Variants in USP10 observed in about 807,000 individuals in gnomAD.
The protein encoded by USP10 is ubiquitin carboxyl-terminal hydrolase 10.
USP10 carries 22 observed loss-of-function variants against 84.5 expected under a neutral mutation model. That is an observed-to-expected ratio of 0.26 (90% CI 0.19 to 0.37). USP10 has a LOEUF of 0.37. Ranked by LOEUF, USP10 falls within the 10% of genes least tolerant of loss-of-function variation. USP10 has a pLI of 1.00. For synonymous variants in USP10, 454 were observed against 387.6 expected (o/e 1.17, Z -2.01); for missense variants, 1,019 against 998.9 (o/e 1.02, Z -0.27).
chr16:84,730,120 G>T (rs559396171), intron 1 of USP10, among the ~76,000 whole-genome samples: 3 of 152,148 alleles, frequency 2.0e-5, no homozygotes, highest in Non-Finnish European at 4.4e-5. Flanking sequence ...CTCCACTCCT[G>T]TCTGCGTCCA....
chr16:84,764,153 A>G lies in USP10; in HGVS notation c.1722A>G (p.Glu574=), dbSNP rs373519913. 4.3e-5 allele frequency: 70 copies of G among 1,613,876 alleles called. No individual in the cohort carries two copies. In the African/African-American group the frequency reaches 7.9e-4, roughly 18 times the overall value. ...AAGAAGAGCAGGAAGAACAAGGTGA[A>G]GGAAGCGAGGATGAATGGGAACAAG... ...VNEEEQEEQG[E]GSEDEWEQVG... Residue 574 remains glutamate (E), a synonymous_variant, in exon 10 of 14, where the codon GAA becomes GAG. Coordinates refer to ENST00000219473, the MANE Select transcript of USP10 (RefSeq NM_005153.3).
chr16:84,720,648 C>G (rs926328800), intron 1 of USP10, among the ~76,000 whole-genome samples: 2 of 128,668 alleles, frequency 1.6e-5, no homozygotes, highest in African/African-American at 6.0e-5. Context: ...GTGGTGCGAT[C>G]TTGCCTTACT....
rs193163493 is a variant in USP10, at chr16:84,739,432, C to T, written c.91-877C>T. On this transcript the variant is annotated intron_variant, in intron 2 of 13. Transcript: ENST00000219473. ...GATTACAGGTGCCTGCCACCACGCC[C>T]AGCTGATTTTTTGTATTTTTAGTAG... 5.5e-4 allele frequency among the ~76,000 whole-genome samples: 84 copies of T among 152,158 alleles called. 1 individual carries two copies. In the East Asian group the frequency reaches 0.015, roughly 27 times the overall value.
At chr16:84,704,795 C>G in intron 1 of USP10, 1 of 1,535,574 alleles carries the variant, frequency 6.5e-7, no homozygotes, top group Non-Finnish European at 8.7e-7. Context: ...GAAGCTCTAC[C>G]AGCACTGCCA....
chr16:84,775,868 C>G (rs563886759), intron 13 of USP10, among the ~76,000 whole-genome samples: 1 of 142,436 alleles, frequency 7.0e-6, no homozygotes, highest in East Asian at 2.1e-4. Context: ...TTTTATCCTT[C>G]TTTCTCTTTT....
rs774153866 is a variant in USP10, at chr16:84,744,909, G to C, written c.428G>C (p.Gly143Ala). 2 of 1,613,748 alleles carry C rather than the reference G, an allele frequency of 1.2e-6. No individual in the cohort carries two copies. The highest frequency in any genetic ancestry group is 1.7e-6 in the Non-Finnish European group (2 of 1,179,716). Reference sequence around the variant, plus strand: ...TTGGAAAATGATGGTGTCTCAGGTGGTCTTGGACAAAGGGAGCGTAAAAAG... The same window carrying C: ...TTGGAAAATGATGGTGTCTCAGGTGCTCTTGGACAAAGGGAGCGTAAAAAG... The part of the protein sequence containing the change: ...EVLENDGVSG[G>A]LGQRERKKKK... The change falls in exon 4 of 14, where the codon GGT becomes GCT. Residue 143 changes from glycine to alanine, a missense_variant. Physicochemically the swap from Gly to Ala is moderately conservative, Grantham distance 60. Transcript: ENST00000219473.
intron 4 of USP10, among the ~76,000 whole-genome samples, chr16:84,751,171 T>C (rs1407604902): frequency 6.6e-6 from 1 of 152,216 alleles, no homozygotes; most frequent in East Asian, 1.9e-4. Context: ...CACAACATGC[T>C]GTACGGGTTT....
chr16:84,715,897 C>T lies in USP10; in HGVS notation c.21+15786C>T, dbSNP rs925079683. Among the ~76,000 whole-genome samples the T allele has an allele frequency of 2.6e-5, 4 of 152,194 alleles. No individual in the cohort carries two copies. The South Asian group carries it at 6.2e-4, about 24-fold the overall frequency. On this transcript the variant is annotated intron_variant, in intron 1 of 13. Coordinates refer to ENST00000219473, the MANE Select transcript of USP10 (RefSeq NM_005153.3). ...CCCCACGATGGCGGAATGGCCACAG[C>T]AGTTTCAGGCTTCACATTTGGGCAC...
intron 1 of USP10, among the ~76,000 whole-genome samples, chr16:84,723,862 T>C (rs1287256095): frequency 2.6e-5 from 4 of 152,218 alleles, no homozygotes; most frequent in African/African-American, 9.6e-5. Flanking sequence ...AGAATGACAT[T>C]GAGCCCCCTT....
rs201186851 is a variant in USP10, at chr16:84,745,424, A to C, written c.943A>C (p.Thr315Pro). 1 of 1,613,712 alleles carries C rather than the reference A, an allele frequency of 6.2e-7. No homozygotes were observed. ...HTTESIDLDP[T>P]KPESASPPAD... is the part of the protein sequence containing the mutation. ...CACGGAAAGCATAGACTTGGACCCA[A>C]CCAAACCCGAGAGTGCATCACCTCC... The change falls in exon 4 of 14, where the codon ACC becomes CCC. Residue 315 changes from threonine (T) to proline (P), a missense_variant. By Grantham distance (38) the Thr-to-Pro change is conservative. Transcript: ENST00000219473.
At chr16:84,755,477 C>T (rs934511986) in intron 4 of USP10, among the ~76,000 whole-genome samples, 2 of 151,970 alleles carry the variant, frequency 1.3e-5, no homozygotes, top group African/African-American at 2.4e-5. Flanking sequence ...GCTGCCCCTG[C>T]GTGCTTCTCA....
intron 1 of USP10, among the ~76,000 whole-genome samples, chr16:84,702,798 G>C (rs966924505): frequency 6.7e-4 from 102 of 151,848 alleles, no homozygotes; most frequent in Non-Finnish European, 2.6e-4. Context: ...TTCGAGATCA[G>C]CCTGACCAAT....
intron 11 of USP10, among the ~76,000 whole-genome samples, chr16:84,768,935 G>A (rs1228602275): frequency 6.6e-6 from 1 of 152,166 alleles, no homozygotes; most frequent in Non-Finnish European, 1.5e-5. Flanking sequence ...TGGAGTCCTT[G>A]TCAACTCAGT....
chr16:84,758,699 C>G lies in USP10; in HGVS notation c.1193-17C>G. The stretch of plus-strand genomic sequence containing the variant: ...AGATGTCATCAATTTCTGAAATATG[C>G]TTCTTCACTCTTTCAGAGTTGCTGG... On this transcript the variant is annotated splice_polypyrimidine_tract_variant and intron_variant, in intron 4 of 13. Coordinates refer to ENST00000219473, the MANE Select transcript of USP10 (RefSeq NM_005153.3). 1 of 1,560,558 alleles carries G rather than the reference C, an allele frequency of 6.4e-7. No homozygotes were observed. The highest frequency in any genetic ancestry group is 1.4e-5 in the African/African-American group (1 of 73,954).
chr16:84,754,749 C>G (rs74814974), intron 4 of USP10, among the ~76,000 whole-genome samples: 1 of 152,112 alleles, frequency 6.6e-6, no homozygotes, highest in Non-Finnish European at 1.5e-5. Flanking sequence ...GGAAAAAAGT[C>G]GGTTTATAGT....
Position 84,766,378 on chromosome 16 carries a change from C to A in USP10, c.1833-1815C>A, listed in dbSNP as rs145614272. ...TGGTCAGTTGTCACCTGGGAAACACCCAGCCCTGACCACTGTCTGTGGTTC... is the reference window on the plus strand; with the variant it reads ...TGGTCAGTTGTCACCTGGGAAACACACAGCCCTGACCACTGTCTGTGGTTC... On this transcript the variant is annotated intron_variant, in intron 10 of 13. Transcript: ENST00000219473. 6.2e-3 allele frequency among the ~76,000 whole-genome samples: 937 copies of A among 152,340 alleles called. 9 individuals carry two copies. The highest frequency in any genetic ancestry group is 0.021 in the African/African-American group (880 of 41,578).
At chr16:84,705,574 C>G (rs1476916964) in intron 1 of USP10, among the ~76,000 whole-genome samples, 1 of 151,798 alleles carries the variant, frequency 6.6e-6, no homozygotes, top group African/African-American at 2.4e-5. Context: ...TAGCTGACTC[C>G]TCCCTCCGTC....
At chr16:84,752,993 G>T (rs1370668812) in intron 4 of USP10, among the ~76,000 whole-genome samples, 1 of 151,888 alleles carries the variant, frequency 6.6e-6, no homozygotes, top group Non-Finnish European at 1.5e-5. Context: ...AAGAAACAGG[G>T]TCTTGCTCAT....
intron 1 of USP10, 108 bp downstream of exon 1, chr16:84,700,219 G>T (rs1281341780): frequency 1.1e-6 from 1 of 919,282 alleles, no homozygotes; most frequent in East Asian, 5.7e-5. Flanking sequence ...TGTGGGAGTG[G>T]GGGAGGGCGC....
Sources: allele counts gnomAD v4.1 joint callset (sites outside exome capture counted in the v4.1 genomes callset), GRCh38; gene constraint gnomAD v4.1.1; transcripts MANE v1.5; gene names NCBI Gene and HGNC (gene_info 2026-07-23, HGNC 2026-07-21).